SASH1: variants seen among roughly 807,000 people sequenced by gnomAD.
SASH1 encodes the protein SAM and SH3 domain-containing protein 1.
SASH1 carries 44 observed loss-of-function variants against 125.2 expected under a neutral mutation model. That is an observed-to-expected ratio of 0.35 (90% CI 0.28 to 0.45). SASH1 has a LOEUF of 0.45. Ranked by LOEUF, SASH1 falls within the 20% of genes least tolerant of loss-of-function variation. The pLI is 1.00. For missense variants in SASH1, 1,426 were observed against 1,614.5 expected (o/e 0.88, Z 2.00); for synonymous variants, 639 against 649.1 (o/e 0.98, Z 0.24).
At chr6:148,354,494 G>A (rs1781851761) in intron 1 of SASH1, among the ~76,000 whole-genome samples, 1 of 151,492 alleles carries the variant, frequency 6.6e-6, no homozygotes, top group African/African-American at 2.4e-5. Flanking sequence ...GTTTTGTTTT[G>A]TAGACTCTTT....
intron 8 of SASH1, among the ~76,000 whole-genome samples, chr6:148,501,356 C>T (rs967478210): frequency 1.3e-5 from 2 of 152,210 alleles, no homozygotes; most frequent in African/African-American, 4.8e-5. Context: ...GGGATGAACA[C>T]TTTCATCAGC....
chr6:148,537,831 T>TGTGTGTGTGTGTGTGG (rs1491316465), intron 16 of SASH1, among the ~76,000 whole-genome samples: 2 of 132,604 alleles, frequency 1.5e-5, no homozygotes, highest in Non-Finnish European at 3.2e-5. Context: ...TGTGTGTGTG[T>TGTGTGTGTGTGTGTGG]GGTTGGTGAG....
chr6:148,421,727 C>G (rs1483565161), intron 2 of SASH1, among the ~76,000 whole-genome samples: 1 of 152,184 alleles, frequency 6.6e-6, no homozygotes, highest in Non-Finnish European at 1.5e-5. Context: ...GCACTCTTGC[C>G]CTGTTCTTAT....
At chr6:148,229,842 G>A in the SASH1 span, among the ~76,000 whole-genome samples, 1 of 150,964 alleles carries the variant, frequency 6.6e-6, no homozygotes, top group Non-Finnish European at 1.5e-5. Context: ...CTCCTGGATA[G>A]CTCGGATTAC....
chr6:148,267,114 C>T, the SASH1 span, among the ~76,000 whole-genome samples: 1 of 152,244 alleles, frequency 6.6e-6, no homozygotes, highest in East Asian at 1.9e-4. Context: ...CAACTCTAAC[C>T]TACTTCACCA....
At chr6:148,370,942 A>G (rs929248405) in intron 1 of SASH1, among the ~76,000 whole-genome samples, 2 of 152,234 alleles carry the variant, frequency 1.3e-5, no homozygotes, top group East Asian at 1.9e-4. Context: ...GGACTAATAC[A>G]TGTTTTTTAT....
chr6:148,326,648 T>C (rs1203448054), intron 1 of SASH1, among the ~76,000 whole-genome samples: 1 of 151,678 alleles, frequency 6.6e-6, no homozygotes, highest in Non-Finnish European at 1.5e-5. Flanking sequence ...GTGATCCGCC[T>C]GCGTCGGCCT....
intron 1 of SASH1, among the ~76,000 whole-genome samples, chr6:148,378,903 CAG>C (rs1294400618): frequency 6.6e-6 from 1 of 152,168 alleles, no homozygotes; most frequent in Non-Finnish European, 1.5e-5. Flanking sequence ...TATAATGAAA[CAG>C]AGCTGGCCAA....
intron 5 of SASH1, among the ~76,000 whole-genome samples, chr6:148,471,149 C>T (rs995125407): frequency 1.3e-5 from 2 of 151,830 alleles, no homozygotes; most frequent in African/African-American, 4.8e-5. Context: ...CACAAGAATG[C>T]ATGTTCTGCC....
chr6:148,358,726 T>A (rs2114695015), intron 1 of SASH1, among the ~76,000 whole-genome samples: 1 of 118,574 alleles, frequency 8.4e-6, no homozygotes, highest in African/African-American at 3.0e-5. Context: ...CCTAATGCCA[T>A]GTTTTTGTTT....
At chr6:148,352,937 G>A (rs933305497) in intron 1 of SASH1, among the ~76,000 whole-genome samples, 2 of 152,000 alleles carry the variant, frequency 1.3e-5, no homozygotes, top group Non-Finnish European at 2.9e-5. Context: ...GCTACTGTAC[G>A]CCAGCCCGGG....
intron 8 of SASH1, among the ~76,000 whole-genome samples, chr6:148,493,406 C>T (rs1219108437): frequency 6.6e-6 from 1 of 152,216 alleles, no homozygotes; most frequent in Non-Finnish European, 1.5e-5. Context: ...CAGAATTCAG[C>T]CACCACGGGT....
At chr6:148,477,305 A>G (rs1012075821) in intron 7 of SASH1, among the ~76,000 whole-genome samples, 10 of 152,376 alleles carry the variant, frequency 6.6e-5, no homozygotes, top group African/African-American at 2.2e-4. Context: ...AAATATTTGC[A>G]AACTAACCGT....
chr6:148,527,725 C>A lies in SASH1; in HGVS notation c.1428+129C>A, dbSNP rs1222985145. 4.5e-6 allele frequency: 4 copies of A among 897,000 alleles called. No homozygotes were observed. The African/African-American group carries it at 5.2e-5, about 12-fold the overall frequency. 55.6% of individuals were successfully genotyped at this position (897,000 alleles called of 1,614,324 possible). On this transcript the variant is annotated intron_variant, in intron 12 of 19. Coordinates refer to ENST00000367467, the MANE Select transcript of SASH1 (RefSeq NM_015278.5). ...GGCATTAACCTGCTCCAAGTCCGTG[C>A]TTTATTTACGTAGAGAAACACTGAA... is the stretch of plus-strand genomic sequence containing the variant.
intron 1 of SASH1, among the ~76,000 whole-genome samples, chr6:148,351,810 A>ATGTGTTTT (rs71004289): frequency 0.48 from 72,216 of 150,910 alleles, 17,367 homozygotes; most frequent in South Asian, 0.57. Flanking sequence ...AAACATGTTT[A>ATGTGTTTT]TGTGTGTGTG....
intron 1 of SASH1, among the ~76,000 whole-genome samples, chr6:148,311,004 C>T (rs1268786655): frequency 1.3e-5 from 2 of 152,108 alleles, no homozygotes; most frequent in Non-Finnish European, 2.9e-5. Flanking sequence ...GTCTCAAACT[C>T]CTGGGCTCAA....
the SASH1 span, among the ~76,000 whole-genome samples, chr6:148,213,771 G>A: frequency 6.6e-6 from 1 of 151,990 alleles, no homozygotes; most frequent in African/African-American, 2.4e-5. Flanking sequence ...TCCTAGGCAG[G>A]TTCCTTTTCA....
intron 4 of SASH1, among the ~76,000 whole-genome samples, chr6:148,466,518 C>T (rs1040817030): frequency 6.6e-6 from 1 of 152,140 alleles, no homozygotes; most frequent in African/African-American, 2.4e-5. Flanking sequence ...GTCCTTTTAT[C>T]CAAAAGGTAG....
intron 1 of SASH1, among the ~76,000 whole-genome samples, chr6:148,370,015 A>T (rs963137532): frequency 6.7e-6 from 1 of 148,574 alleles, no homozygotes; most frequent in African/African-American, 2.5e-5. Context: ...CAAACCAGCA[A>T]AAACAAAAAT....
Sources: gnomAD v4.1 joint callset for allele counts (sites outside exome capture counted in the v4.1 genomes callset) on GRCh38, gnomAD v4.1.1 for gene constraint, MANE v1.5 for transcripts, NCBI Gene and HGNC (gene_info 2026-07-23, HGNC 2026-07-21) for gene names.